Variants in PLG observed in about 807,000 individuals in gnomAD.
PLG encodes the protein plasmin.
In PLG, 41 loss-of-function variants were observed where a neutral mutation model predicts 104.4. The ratio of observed to expected loss-of-function variants is 0.39; its 90% confidence interval spans 0.31 to 0.51. PLG has a LOEUF of 0.51. PLG is among the 20% of genes least tolerant of loss of function. The pLI is 0.76. For synonymous variants in PLG, 337 were observed against 357.1 expected (o/e 0.94, Z 0.63); for missense variants, 891 against 1,003.6 (o/e 0.89, Z 1.52).
Position 160,752,874 on chromosome 6 carries a change from A to G in PLG, c.2272-26A>G. ...AAAAGGCAGGCAGCCTAACCCTCAC[A>G]TGCATTTTTCTCTCCCTCTGTATAG... is the stretch of plus-strand genomic sequence containing the variant. On this transcript the variant is annotated intron_variant, in intron 18 of 18. Coordinates refer to ENST00000308192, the MANE Select transcript of PLG (RefSeq NM_000301.5). The surrounding 1 kb of genome is among the most constrained non-coding windows in gnomAD (Gnocchi z 4.7). 2.5e-6 allele frequency: 4 copies of G among 1,612,980 alleles called. No homozygotes were observed. Among genetic ancestry groups the G allele is most frequent in the Non-Finnish European group, 3.4e-6 (4 of 1,178,930 alleles).
At position 160,722,355 on chromosome 6, in the gene PLG, GCTT is replaced by G. The variant is rs1215423651; in HGVS notation, c.1097-49_1097-47del. ...CTGTTTTTGTCATAAATTGCTTCAT[GCTT>G]CTTTTTTTTCAGTAATTGTTAAGCT... On this transcript the variant is annotated intron_variant, in intron 9 of 18. Coordinates refer to ENST00000308192, the MANE Select transcript of PLG (RefSeq NM_000301.5). The G allele has an allele frequency of 8.6e-6, 12 of 1,395,660 alleles. No homozygotes were observed. The East Asian group carries it at 2.5e-4, about 29-fold the overall frequency. 86.5% of individuals were successfully genotyped at this position (1,395,660 alleles called of 1,614,324 possible).
Position 160,731,018 on chromosome 6 carries a change from C to T in PLG, c.1257-33C>T. On this transcript the variant is annotated intron_variant, in intron 10 of 18. Transcript: ENST00000308192. This position sits in a 1 kb window ranked among gnomAD's most constrained non-coding sequence, Gnocchi z 5.1. ...TGGGTGCCCCTGAATATTCTCCCAC[C>T]TCTTGTGACCTGTATTGTTTTGGAA... 6.2e-7 allele frequency: 1 copy of T among 1,607,402 alleles called. No individual in the cohort carries two copies.
chr6:160,729,984 G>A (rs1261858689), intron 10 of PLG, among the ~76,000 whole-genome samples: 2 of 152,184 alleles, frequency 1.3e-5, no homozygotes, highest in Non-Finnish European at 2.9e-5. Flanking sequence ...GGGGTGTCTG[G>A]GCTTGAGATT....
At position 160,752,871 on chromosome 6, in the gene PLG, C is replaced by G; in HGVS notation, c.2272-29C>G. ...AATAAAAGGCAGGCAGCCTAACCCT[C>G]ACATGCATTTTTCTCTCCCTCTGTA... On this transcript the variant is annotated intron_variant, in intron 18 of 18. Coordinates refer to ENST00000308192, the MANE Select transcript of PLG (RefSeq NM_000301.5). The surrounding 1 kb of genome is among the most constrained non-coding windows in gnomAD (Gnocchi z 4.7). 6.2e-7 allele frequency: 1 copy of G among 1,612,544 alleles called. No individual in the cohort carries two copies. The highest frequency in any genetic ancestry group is 8.5e-7 in the Non-Finnish European group (1 of 1,178,548).
chr6:160,742,069 T>G lies in PLG; in HGVS notation c.2125+652T>G, dbSNP rs7739737. 9.6e-3 allele frequency among the ~76,000 whole-genome samples: 1,467 copies of G among 152,306 alleles called. 24 individuals carry two copies. Among genetic ancestry groups the G allele is most frequent in the African/African-American group, 0.034 (1,417 of 41,558 alleles). ...TCTTCATCCAATGTGTCATTGATGG[T>G]CATATAGGTGATTCCATGTCTTTGC... On this transcript the variant is annotated intron_variant, in intron 17 of 18. Transcript: ENST00000308192.
intron 5 of PLG, among the ~76,000 whole-genome samples, chr6:160,713,874 A>G (rs1388345543): frequency 6.6e-6 from 1 of 152,214 alleles, no homozygotes; most frequent in Admixed American, 6.5e-5. Context: ...ATGCTAAAAA[A>G]TTTTAAAAAA....
chr6:160,752,245 C>T lies in PLG; in HGVS notation c.2256C>T (p.Gly752=), dbSNP rs1254637460. ...TCTGTGCTGGGCATTTGGCCGGAGG[C>T]ACTGACAGTTGCCAGGTAAGCAAAG... ...TELCAGHLAG[G]TDSCQGDSGG... Residue 752 remains glycine, a synonymous_variant, in exon 18 of 19, where the codon GGC becomes GGT. Coordinates refer to ENST00000308192, the MANE Select transcript of PLG (RefSeq NM_000301.5). This position sits in a 1 kb window ranked among gnomAD's most constrained non-coding sequence, Gnocchi z 4.7. 1 of 1,613,886 alleles carries T rather than the reference C, an allele frequency of 6.2e-7. No individual in the cohort carries two copies. The highest frequency in any genetic ancestry group is 1.3e-5 in the African/African-American group (1 of 74,910).
In PLG at chr6:160,713,062, C is replaced by G; in HGVS notation, c.484C>G (p.Pro162Ala). Residue 162 changes from proline to alanine, a missense_variant, in exon 5 of 19, where the codon CCC becomes GCC. By Grantham distance (27) the Pro-to-Ala change is conservative. Coordinates refer to ENST00000308192, the MANE Select transcript of PLG (RefSeq NM_000301.5). The stretch of plus-strand genomic sequence containing the variant: ...GAATCCAGACAACGATCCGCAGGGG[C>G]CCTGGTGCTATACTACTGATCCAGA... ...CRNPDNDPQG[P>A]WCYTTDPEKR... The G allele has an allele frequency of 6.2e-7, 1 of 1,607,852 alleles. No homozygotes were observed. Among genetic ancestry groups the G allele is most frequent in the Middle Eastern group, 2.3e-4 (1 of 4,422 alleles).
At chr6:160,713,163 C>T (rs755789592) in intron 5 of PLG, 38 bp downstream of exon 5, 3 of 1,535,434 alleles carry the variant, frequency 2.0e-6, no homozygotes, top group Non-Finnish European at 2.7e-6. Context: ...CATTTCTGCC[C>T]TTCACCTGTA....
chr6:160,702,725 C>T (rs1777442424), intron 1 of PLG, among the ~76,000 whole-genome samples: 1 of 152,212 alleles, frequency 6.6e-6, no homozygotes, highest in South Asian at 2.1e-4. Context: ...GTCATGCTCC[C>T]CTCACTTGCA....
At chr6:160,750,008 C>T (rs548643624) in intron 17 of PLG, among the ~76,000 whole-genome samples, 6 of 152,142 alleles carry the variant, frequency 3.9e-5, no homozygotes, top group African/African-American at 9.7e-5. Context: ...TCAGTCCCAC[C>T]GCCAACCACC....
In PLG at chr6:160,739,864, T is replaced by C. The variant is rs1427304458; in HGVS notation, c.2018+656T>C. Among the ~76,000 whole-genome samples the C allele has an allele frequency of 6.6e-6, 1 of 152,142 alleles. No individual in the cohort carries two copies. The highest frequency in any genetic ancestry group is 1.9e-4 in the East Asian group (1 of 5,188). ...TTTATAAATGTAAATTATATTATTATTATTGTCTTCTTTGATTTGATTTTC... is the reference window on the plus strand; with the variant it reads ...TTTATAAATGTAAATTATATTATTACTATTGTCTTCTTTGATTTGATTTTC... On this transcript the variant is annotated intron_variant, in intron 16 of 18. Transcript: ENST00000308192. The surrounding 1 kb of genome is among the most constrained non-coding windows in gnomAD (Gnocchi z 4.4).
chr6:160,721,303 C>A (rs1450557040), intron 9 of PLG, among the ~76,000 whole-genome samples: 1 of 152,118 alleles, frequency 6.6e-6, no homozygotes, highest in African/African-American at 2.4e-5. Context: ...AAACACTAGA[C>A]ATTATAAATA....
intron 1 of PLG, among the ~76,000 whole-genome samples, chr6:160,705,141 G>T (rs1407497305): frequency 6.6e-6 from 1 of 152,094 alleles, no homozygotes; most frequent in Admixed American, 6.6e-5. Context: ...CATGGAGCTT[G>T]CCTGTCTTCA....
rs1049687908 is a variant in PLG at position 160,736,279 on chromosome 6, G to A, written c.1682-608G>A. ...AGTCATATGTTTAAGTCACCCCCAC[G>A]GCCGTTGGTTAGTCATGGGAGGCTC... is the stretch of plus-strand genomic sequence containing the variant. On this transcript the variant is annotated intron_variant, in intron 13 of 18. Coordinates refer to ENST00000308192, the MANE Select transcript of PLG (RefSeq NM_000301.5). The surrounding 1 kb of genome is among the most constrained non-coding windows in gnomAD (Gnocchi z 5.2). Among the ~76,000 whole-genome samples, 14 of 152,120 alleles carry A rather than the reference G, an allele frequency of 9.2e-5. No homozygotes were observed. The highest frequency in any genetic ancestry group is 7.9e-4 in the Admixed American group (12 of 15,280).
intron 10 of PLG, among the ~76,000 whole-genome samples, chr6:160,728,546 G>A (rs1777953912): frequency 6.6e-6 from 1 of 151,424 alleles, no homozygotes; most frequent in Non-Finnish European, 1.5e-5. Context: ...GTGGTATTGG[G>A]AAAAAAAAGT....
rs1442548621 is a variant in PLG at position 160,718,779 on chromosome 6, A to G, written c.1037A>G (p.Tyr346Cys). ...ACCAACAGCCAAGTGCGGTGGGAGTACTGTAAGATACCGTCCTGTGACTCC... is the reference window on the plus strand; with the variant it reads ...ACCAACAGCCAAGTGCGGTGGGAGTGCTGTAAGATACCGTCCTGTGACTCC... ...HTTNSQVRWE[Y>C]CKIPSCDSSP... The change falls in exon 9 of 19, where the codon TAC (tyrosine) becomes TGC (cysteine). Residue 346 changes from tyrosine (Y) to cysteine (C), a missense_variant. By Grantham distance (194) the Tyr-to-Cys change is radical. Coordinates refer to ENST00000308192, the MANE Select transcript of PLG (RefSeq NM_000301.5). 1.2e-6 allele frequency: 2 copies of G among 1,613,386 alleles called. No individual in the cohort carries two copies. Among genetic ancestry groups the G allele is most frequent in the Non-Finnish European group, 1.7e-6 (2 of 1,179,358 alleles).
Position 160,718,772 on chromosome 6 carries a change from T to C in PLG, c.1030T>C (p.Trp344Arg). 6.2e-7 allele frequency: 1 copy of C among 1,613,576 alleles called. No homozygotes were observed. Among genetic ancestry groups the C allele is most frequent in the Non-Finnish European group, 8.5e-7 (1 of 1,179,658 alleles). The change falls in exon 9 of 19, where the codon TGG becomes CGG. Residue 344 changes from tryptophan (W) to arginine (R), a missense_variant. Trp to Arg is a moderately radical substitution (Grantham distance 101). Around this residue, in one of 2 missense-constraint regions of PLG, gnomAD observed 854 missense variants for 932.1 expected, o/e 0.92. Transcript: ENST00000308192. ...WCHTTNSQVR[W>R]EYCKIPSCDS... ...CCATACAACCAACAGCCAAGTGCGG[T>C]GGGAGTACTGTAAGATACCGTCCTG...
intron 12 of PLG, 149 bp from the exon 13 acceptor site, chr6:160,733,846 G>GAAAAAAAAAAAAAAAAA (rs10540264): frequency 3.2e-6 from 1 of 312,838 alleles, no homozygotes; most frequent in African/African-American, 3.1e-5. Flanking sequence ...CTCCACCTCA[G>GAAAAAAAAAAAAAAAAA]AAAAAAAAAA....
Sources: gnomAD v4.1 joint callset for allele counts (sites outside exome capture counted in the v4.1 genomes callset) on GRCh38, gnomAD v4.1.1 for gene constraint, gnomAD v4.1.1 regional missense constraint, Gnocchi (gnomAD v3.1) non-coding constraint, MANE v1.5 for transcripts, NCBI Gene and HGNC (gene_info 2026-07-23, HGNC 2026-07-21) for gene names.